SMG6: variants seen among roughly 807,000 people sequenced by gnomAD.
The protein encoded by SMG6 is telomerase-binding protein EST1A.
In SMG6, 66 loss-of-function variants were observed where a neutral mutation model predicts 142.2. The ratio of observed to expected loss-of-function variants is 0.46; its 90% CI spans 0.38 to 0.57. The LOEUF (loss-of-function observed/expected upper bound fraction) is 0.57, where lower values mean the gene tolerates loss of function less well. Ranked by LOEUF, SMG6 falls within the 20% of genes least tolerant of loss-of-function variation. The pLI is 0.00. For missense variants in SMG6, 1,793 were observed against 1,832.0 expected, an observed-to-expected ratio of 0.98 and a Z score of 0.39; for synonymous variants, 779 against 702.4, an observed-to-expected ratio of 1.11 and a Z score of -1.72.
At chr17:2,136,046 G>A (rs1247677619) in intron 13 of SMG6, among the ~76,000 whole-genome samples, 1 of 145,410 alleles carries the variant, frequency 6.9e-6, no homozygotes, top group Non-Finnish European at 1.5e-5. Context: ...GTCTGTGTGT[G>A]TATATATACA....
chr17:2,152,080 T>C (rs1020427011), intron 13 of SMG6, among the ~76,000 whole-genome samples: 3 of 152,220 alleles, frequency 2.0e-5, no homozygotes, highest in Admixed American at 1.3e-4. Flanking sequence ...GGGTATTCTG[T>C]TGGAGTCGGC....
Position 2,300,048 on chromosome 17 carries a change from G to A in SMG6, c.705C>T (p.Arg235=), listed in dbSNP as rs781391421. ...AGCGCTTTGCGGAGCCCGGCCTCCC[G>A]CGGGCTGGGTCGTCGTGGGTTTCCC... The part of the protein sequence containing the change: ...GVRETHDDPA[R]GRPGSAKRYS... The change falls in exon 2 of 19, where the codon CGC becomes CGT. Residue 235 remains arginine, a synonymous_variant. Transcript: ENST00000263073. 5.2e-5 allele frequency: 84 copies of A among 1,614,024 alleles called. No homozygotes were observed. Among genetic ancestry groups the A allele is most frequent in the South Asian group, 1.1e-4 (10 of 91,090 alleles).
chr17:2,127,993 G>A (rs2069957374), intron 13 of SMG6: 1 of 496,668 alleles, frequency 2.0e-6, no homozygotes, highest in Non-Finnish European at 3.9e-6. Flanking sequence ...GCACACTAAG[G>A]AACGAGTGTC....
intron 9 of SMG6, among the ~76,000 whole-genome samples, chr17:2,244,396 G>A (rs1428012486): frequency 6.6e-6 from 1 of 152,206 alleles, no homozygotes; most frequent in Non-Finnish European, 1.5e-5. Context: ...AGGGACTGGG[G>A]TGGGGGCTGG....
chr17:2,160,752 G>T (rs1348451163), intron 13 of SMG6, among the ~76,000 whole-genome samples: 1 of 152,116 alleles, frequency 6.6e-6, no homozygotes, highest in Non-Finnish European at 1.5e-5. Flanking sequence ...GATTGCTTGA[G>T]CCTGGGAAGT....
chr17:2,273,010 G>A (rs1013265835), intron 8 of SMG6, among the ~76,000 whole-genome samples: 1 of 119,524 alleles, frequency 8.4e-6, no homozygotes. Flanking sequence ...GTTGTCTCAC[G>A]TGGCCCCCAC....
chr17:2,078,098 C>A (rs1033834776), intron 15 of SMG6, among the ~76,000 whole-genome samples: 1 of 152,004 alleles, frequency 6.6e-6, no homozygotes, highest in Non-Finnish European at 1.5e-5. Context: ...TGAATAGGAG[C>A]CTGGTGGGCA....
At chr17:2,121,583 C>CTGTGTGTGTG (rs1173330822) in intron 13 of SMG6, among the ~76,000 whole-genome samples, 28 of 118,292 alleles carry the variant, frequency 2.4e-4, no homozygotes, top group South Asian at 8.7e-4. Flanking sequence ...ATGTACATGT[C>CTGTGTGTGTG]TGTCTGTGTG....
chr17:2,210,863 C>T (rs930857596), intron 10 of SMG6, among the ~76,000 whole-genome samples: 3 of 151,540 alleles, frequency 2.0e-5, no homozygotes, highest in Admixed American at 2.0e-4. Context: ...GGATACATGA[C>T]CTGCAGGATG....
At position 2,186,841 on chromosome 17, in the gene SMG6, C is replaced by G. The variant is rs375130911; in HGVS notation, c.2987-10G>C. The G allele has an allele frequency of 1.2e-6, 2 of 1,613,448 alleles. No homozygotes were observed. The highest frequency in any genetic ancestry group is 1.7e-6 in the Non-Finnish European group (2 of 1,179,712). On this transcript the variant is annotated splice_polypyrimidine_tract_variant and intron_variant, in intron 11 of 18. Transcript: ENST00000263073. Reference sequence around the variant, plus strand: ...GGAGAGGACAGCTGAGCTGCAGAGGCAAAGGGTGAGAACTGGGCCTATGTC... The same window carrying G: ...GGAGAGGACAGCTGAGCTGCAGAGGGAAAGGGTGAGAACTGGGCCTATGTC...
rs1043846136 is a variant in SMG6, at chr17:2,292,497, A to G, written c.2337+55T>C. The G allele has an allele frequency of 2.6e-6, 4 of 1,533,840 alleles. No individual in the cohort carries two copies. In the Admixed American group the frequency reaches 5.1e-5, roughly 20 times the overall value. ...CCAGGAACTGATATTATCAAACTCCATATTGTAAGATACTTCCTGCAAAGC... is the reference window on the plus strand; with the variant it reads ...CCAGGAACTGATATTATCAAACTCCGTATTGTAAGATACTTCCTGCAAAGC... On this transcript the variant is annotated intron_variant, in intron 6 of 18. Coordinates refer to ENST00000263073, the MANE Select transcript of SMG6 (RefSeq NM_017575.5).
At chr17:2,247,776 G>A (rs996310301) in intron 8 of SMG6, among the ~76,000 whole-genome samples, 2 of 151,294 alleles carry the variant, frequency 1.3e-5, no homozygotes, top group Non-Finnish European at 2.9e-5. Flanking sequence ...GAATGAAACT[G>A]TCTCAGAGAA....
intron 13 of SMG6, among the ~76,000 whole-genome samples, chr17:2,152,964 T>C (rs763082772): frequency 5.3e-5 from 8 of 152,164 alleles, no homozygotes; most frequent in Non-Finnish European, 1.0e-4. Flanking sequence ...CAAATCATAG[T>C]GTATGTATAC....
At chr17:2,149,349 C>CA (rs1178295829) in intron 13 of SMG6, among the ~76,000 whole-genome samples, 11,554 of 69,946 alleles carry the variant, frequency 0.17, 1,266 homozygotes, top group East Asian at 0.42. Context: ...GATTCCCCCT[C>CA]AAAAAAAAAA....
At chr17:2,261,352 A>T (rs1358216804) in intron 8 of SMG6, among the ~76,000 whole-genome samples, 1 of 152,126 alleles carries the variant, frequency 6.6e-6, no homozygotes, top group Non-Finnish European at 1.5e-5. Context: ...ACAGCGATAC[A>T]AGTAAATAAA....
At chr17:2,266,299 C>T (rs138320106) in intron 8 of SMG6, 58 of 459,830 alleles carry the variant, frequency 1.3e-4, no homozygotes, top group African/African-American at 9.1e-4. Flanking sequence ...GCTGGTAATC[C>T]GGCTTCCTGA....
intron 13 of SMG6, among the ~76,000 whole-genome samples, chr17:2,104,277 G>C (rs1387176286): frequency 6.6e-6 from 1 of 151,962 alleles, no homozygotes; most frequent in Non-Finnish European, 1.5e-5. Context: ...TGTATTTTTA[G>C]TACAGACAGG....
chr17:2,188,940 C>G (rs1281897771), intron 10 of SMG6, among the ~76,000 whole-genome samples: 1 of 152,212 alleles, frequency 6.6e-6, no homozygotes, highest in Non-Finnish European at 1.5e-5. Context: ...TAAAAATGAT[C>G]TTCTGTCTAC....
At chr17:2,202,495 T>G (rs2151726847) in intron 10 of SMG6, among the ~76,000 whole-genome samples, 1 of 151,732 alleles carries the variant, frequency 6.6e-6, no homozygotes, top group East Asian at 1.9e-4. Context: ...AAGGCTACAG[T>G]GAACTAAGAA....
Sources: allele counts gnomAD v4.1 joint callset (sites outside exome capture counted in the v4.1 genomes callset), GRCh38; gene constraint gnomAD v4.1.1; transcripts MANE v1.5; gene names NCBI Gene and HGNC (gene_info 2026-07-23, HGNC 2026-07-21).